MYO3A: variants seen among roughly 807,000 people sequenced by gnomAD.
The protein encoded by MYO3A is myosin-IIIa.
Under a neutral mutation model 192.7 loss-of-function variants are expected in MYO3A, and 180 were observed. The ratio of observed to expected loss-of-function variants is 0.93; its 90% CI spans 0.83 to 1.06. The LOEUF is 1.06. MYO3A is among the 50% of genes least tolerant of loss of function. The pLI, the probability that MYO3A is intolerant of heterozygous loss-of-function variation, is 0.00. For missense variants in MYO3A, 1,896 were observed against 1,905.0 expected (o/e 1.00, Z 0.09); for synonymous variants, 628 against 645.3 (o/e 0.97, Z 0.41).
chr10:26,053,473 C>T (rs1462795889), intron 10 of MYO3A, among the ~76,000 whole-genome samples: 1 of 152,052 alleles, frequency 6.6e-6, no homozygotes. Context: ...AAGACCCAGA[C>T]AATACATATA....
intron 17 of MYO3A, among the ~76,000 whole-genome samples, chr10:26,119,571 G>A (rs540017232): frequency 6.6e-6 from 1 of 152,246 alleles, no homozygotes; most frequent in African/African-American, 2.4e-5. Flanking sequence ...TCTGGACTTG[G>A]AATATGGGAG....
intron 34 of MYO3A, among the ~76,000 whole-genome samples, chr10:26,207,471 C>A (rs1010754060): frequency 6.6e-6 from 1 of 152,204 alleles, no homozygotes; most frequent in Admixed American, 6.5e-5. Flanking sequence ...AGTGAGATAA[C>A]AATCTAATTT....
intron 10 of MYO3A, among the ~76,000 whole-genome samples, chr10:26,038,705 TA>T (rs1371836947): frequency 2.0e-5 from 3 of 152,116 alleles, no homozygotes; most frequent in Non-Finnish European, 4.4e-5. Flanking sequence ...TGGCCCTACC[TA>T]GGACTTTCAC....
intron 6 of MYO3A, among the ~76,000 whole-genome samples, chr10:26,001,171 C>A (rs957671247): frequency 6.6e-6 from 1 of 152,164 alleles, no homozygotes; most frequent in Non-Finnish European, 1.5e-5. Context: ...CTACCACTCT[C>A]ACTCGCCATT....
intron 4 of MYO3A, among the ~76,000 whole-genome samples, chr10:25,990,619 G>A (rs975938987): frequency 5.1e-4 from 77 of 151,404 alleles, no homozygotes; most frequent in African/African-American, 1.7e-3. Flanking sequence ...CCATTAACTC[G>A]TCATTTACAT....
chr10:26,075,657 C>CAT (rs111823689), intron 14 of MYO3A, among the ~76,000 whole-genome samples: 7,757 of 140,796 alleles, frequency 0.055, 327 homozygotes, highest in Non-Finnish European at 0.081. Flanking sequence ...ATATGTCTCT[C>CAT]ATATATATAT....
At chr10:26,140,328 A>T (rs779118784) in intron 20 of MYO3A, among the ~76,000 whole-genome samples, 1 of 152,188 alleles carries the variant, frequency 6.6e-6, no homozygotes, top group Non-Finnish European at 1.5e-5. Context: ...TGTTTAGGCC[A>T]AGCTTCTGTG....
intron 10 of MYO3A, among the ~76,000 whole-genome samples, chr10:26,044,592 A>G (rs1361587998): frequency 6.6e-6 from 1 of 152,196 alleles, no homozygotes; most frequent in Non-Finnish European, 1.5e-5. Flanking sequence ...TTTGCCAAGG[A>G]TAACATGGTC....
intron 6 of MYO3A, among the ~76,000 whole-genome samples, chr10:26,013,725 A>G (rs191738932): frequency 1.1e-3 from 166 of 152,236 alleles, no homozygotes; most frequent in Non-Finnish European, 1.8e-3. Context: ...TTAAAGAGCT[A>G]TTAATAAAAG....
chr10:26,126,152 T>G (rs1030102666), intron 19 of MYO3A, among the ~76,000 whole-genome samples: 2 of 152,198 alleles, frequency 1.3e-5, no homozygotes, highest in African/African-American at 4.8e-5. Context: ...AGCATTGTTA[T>G]CTGACTGTAA....
chr10:25,994,982 T>C (rs1840328349), intron 4 of MYO3A, among the ~76,000 whole-genome samples: 1 of 152,196 alleles, frequency 6.6e-6, no homozygotes, highest in African/African-American at 2.4e-5. Context: ...CTGACAATTA[T>C]GTGTCTTGGA....
intron 34 of MYO3A, 117 bp from the exon 35 acceptor site, chr10:26,211,726 T>A: frequency 1.9e-5 from 29 of 1,495,294 alleles, no homozygotes; most frequent in East Asian, 2.3e-5. Flanking sequence ...GTGCCTTTCC[T>A]AAATGTCCGC....
chr10:25,995,504 T>C (rs1840369394), intron 4 of MYO3A, among the ~76,000 whole-genome samples: 1 of 152,240 alleles, frequency 6.6e-6, no homozygotes, highest in Admixed American at 6.5e-5. Flanking sequence ...TTCTCTCAAA[T>C]CATCAGTCAT....
intron 8 of MYO3A, 70 bp downstream of exon 8, chr10:26,021,718 A>C (rs556506827): frequency 6.3e-6 from 10 of 1,575,174 alleles, no homozygotes; most frequent in African/African-American, 1.3e-5. Context: ...AGTGTTCATC[A>C]TGCTCTTCAT....
intron 6 of MYO3A, among the ~76,000 whole-genome samples, chr10:26,013,187 T>C (rs113435244): frequency 6.6e-6 from 1 of 151,920 alleles, no homozygotes; most frequent in African/African-American, 2.4e-5. Context: ...GAGACAACAT[T>C]GGAGAAACTT....
intron 10 of MYO3A, among the ~76,000 whole-genome samples, chr10:26,058,212 AG>A (rs1219049968): frequency 6.6e-6 from 1 of 152,202 alleles, no homozygotes; most frequent in East Asian, 1.9e-4. Flanking sequence ...TGCCTTTTCT[AG>A]AATGTGATAA....
intron 25 of MYO3A, 98 bp downstream of exon 25, chr10:26,154,921 ATTGTATTCCATTT>A: frequency 1.0e-6 from 1 of 984,028 alleles, no homozygotes; most frequent in South Asian, 1.4e-5. Context: ...GAGAATGTTT[ATTGTATTCCATTT>A]ACTATTGTTA....
chr10:25,936,852 AC>A lies in MYO3A; in HGVS notation c.-18+1023del, dbSNP rs1385527255. On this transcript the variant is annotated intron_variant, in intron 2 of 34. Coordinates refer to ENST00000642920, the MANE Select transcript of MYO3A (RefSeq NM_017433.5). ...AATTAAGTGACATACTGCATGTAAA[AC>A]TTTAAGCACAGTAGGTACCTGGAAT... is the stretch of plus-strand genomic sequence containing the variant. Among the ~76,000 whole-genome samples, 8 of 152,016 alleles carry A rather than the reference AC, an allele frequency of 5.3e-5. No individual in the cohort carries two copies. In the East Asian group the frequency reaches 1.3e-3, roughly 26 times the overall value.
At chr10:26,048,563 G>T (rs1843773652) in intron 10 of MYO3A, among the ~76,000 whole-genome samples, 1 of 151,994 alleles carries the variant, frequency 6.6e-6, no homozygotes, top group African/African-American at 2.4e-5. Context: ...ATATGTGTGT[G>T]TGTGTGTGTG....
Sources: allele counts gnomAD v4.1 joint callset (sites outside exome capture counted in the v4.1 genomes callset), GRCh38; gene constraint gnomAD v4.1.1; transcripts MANE v1.5; gene names NCBI Gene and HGNC (gene_info 2026-07-23, HGNC 2026-07-21).